Variants in PTPRT observed in about 807,000 individuals in gnomAD.
The protein encoded by PTPRT is receptor-type tyrosine-protein phosphatase T.
Under a neutral mutation model 176.8 loss-of-function variants are expected in PTPRT, and 56 were observed. The observed-to-expected ratio is 0.32, with a 90% CI of 0.26 to 0.40. The LOEUF is 0.40. Ranked by LOEUF, PTPRT falls within the 10% of genes least tolerant of loss-of-function variation. The probability of loss-of-function intolerance (pLI) is 1.00; values close to 1 mark genes in which losing one functional copy is unlikely to be tolerated. For missense variants in PTPRT, 1,540 were observed against 1,908.2 expected, an observed-to-expected ratio of 0.81 and a Z score of 3.60; for synonymous variants, 783 against 739.0, an observed-to-expected ratio of 1.06 and a Z score of -0.96.
intron 5 of PTPRT, among the ~76,000 whole-genome samples, chr20:42,758,454 G>T (rs1055356138): frequency 6.6e-6 from 1 of 152,098 alleles, no homozygotes; most frequent in Admixed American, 6.5e-5. Flanking sequence ...GGTATCCCAG[G>T]CCCCCATCAA....
Position 42,072,929 on chromosome 20 carries a change from A to T in PTPRT, c.*7950T>A. The T allele has an allele frequency of 4.5e-6, 1 of 224,430 alleles. No homozygotes were observed. 13.9% of individuals were successfully genotyped at this position (224,430 alleles called of 1,614,324 possible). A position where few individuals can be genotyped will look rare whatever the true frequency, so the allele number is the denominator to read the frequency against. ...CAAAAAATATATCTGATATTCATTGACCTGACATTATTTACCTTCTGCTTT... is the reference window on the plus strand; with the variant it reads ...CAAAAAATATATCTGATATTCATTGTCCTGACATTATTTACCTTCTGCTTT... On this transcript the variant is annotated 3_prime_UTR_variant, in exon 31 of 31. Transcript: ENST00000373187.
At chr20:42,525,629 A>G (rs868089489) in intron 7 of PTPRT, among the ~76,000 whole-genome samples, 60 of 152,202 alleles carry the variant, frequency 3.9e-4, no homozygotes, top group African/African-American at 1.4e-3. Flanking sequence ...ACGGTTTTCA[A>G]TATTGGCCAT....
intron 1 of PTPRT, among the ~76,000 whole-genome samples, chr20:42,959,655 T>A (rs1271095817): frequency 3.3e-5 from 5 of 152,084 alleles, no homozygotes; most frequent in Admixed American, 3.3e-4. Flanking sequence ...AGCCCAGGGT[T>A]TCAGGCTGAC....
chr20:42,097,017 G>A (rs888159589), intron 27 of PTPRT, among the ~76,000 whole-genome samples: 3 of 152,116 alleles, frequency 2.0e-5, no homozygotes, highest in African/African-American at 4.8e-5. Flanking sequence ...ACCCCTCTAA[G>A]GGCACCAGGA....
chr20:43,061,552 T>C (rs1341515145), intron 1 of PTPRT, among the ~76,000 whole-genome samples: 18 of 152,250 alleles, frequency 1.2e-4, no homozygotes. Flanking sequence ...TCTGGGCAGC[T>C]CTACTGCTAT....
intron 6 of PTPRT, among the ~76,000 whole-genome samples, chr20:42,689,690 A>C (rs1371348475): frequency 6.6e-6 from 1 of 152,202 alleles, no homozygotes; most frequent in African/African-American, 2.4e-5. Flanking sequence ...TAGGGAGCAT[A>C]TCCTGGATAT....
At chr20:43,044,514 C>T (rs1312118968) in intron 1 of PTPRT, among the ~76,000 whole-genome samples, 1 of 152,200 alleles carries the variant, frequency 6.6e-6, no homozygotes, top group South Asian at 2.1e-4. Flanking sequence ...GAAAAGGGGA[C>T]TGAAAGAGGA....
chr20:42,863,876 T>A (rs1163689480), intron 2 of PTPRT, among the ~76,000 whole-genome samples: 7 of 152,222 alleles, frequency 4.6e-5, no homozygotes, highest in South Asian at 2.1e-4. Flanking sequence ...GAGATGACCC[T>A]GGGGTCCAGC....
chr20:42,792,491 G>T (rs900327222), intron 2 of PTPRT, among the ~76,000 whole-genome samples: 1 of 152,126 alleles, frequency 6.6e-6, no homozygotes, highest in African/African-American at 2.4e-5. Context: ...CACCAAAGCA[G>T]GTGGCAAAAC....
At chr20:42,125,437 A>T (rs1375182911) in intron 19 of PTPRT, among the ~76,000 whole-genome samples, 1 of 152,182 alleles carries the variant, frequency 6.6e-6, no homozygotes, top group Non-Finnish European at 1.5e-5. Flanking sequence ...CTGGATTCTA[A>T]CCACTGAGAT....
At position 42,077,573 on chromosome 20, in the gene PTPRT, G is replaced by A; in HGVS notation, c.*3306C>T. On this transcript the variant is annotated 3_prime_UTR_variant, in exon 31 of 31. Coordinates refer to ENST00000373187, the MANE Select transcript of PTPRT (RefSeq NM_007050.6). Reference sequence around the variant, plus strand: ...GGCTCCGGAGATTTCCTGGGTAAAGGAAAATGTTCAAATTCCTGGGCACTG... The same window carrying A: ...GGCTCCGGAGATTTCCTGGGTAAAGAAAAATGTTCAAATTCCTGGGCACTG... The A allele has an allele frequency of 9.1e-6, 2 of 219,198 alleles. No individual in the cohort carries two copies. The highest frequency in any genetic ancestry group is 1.8e-4 in the South Asian group (1 of 5,416). The allele number at this position is 219,198 out of a possible 1,614,324, so 13.6% of individuals were successfully genotyped here. A position where few individuals can be genotyped will look rare whatever the true frequency, so the allele number is the denominator to read the frequency against.
chr20:42,534,198 G>A (rs1437019594), intron 7 of PTPRT, among the ~76,000 whole-genome samples: 1 of 152,196 alleles, frequency 6.6e-6, no homozygotes, highest in Non-Finnish European at 1.5e-5. Context: ...CGGCATTTGA[G>A]CCTGACATTG....
chr20:42,359,741 T>G (rs2058406389), intron 9 of PTPRT, among the ~76,000 whole-genome samples: 1 of 152,218 alleles, frequency 6.6e-6, no homozygotes, highest in Non-Finnish European at 1.5e-5. Flanking sequence ...AAAGCCAAGC[T>G]TCAGGGTCAG....
chr20:42,734,037 G>T (rs79929230), intron 6 of PTPRT, among the ~76,000 whole-genome samples: 164 of 152,334 alleles, frequency 1.1e-3, no homozygotes, highest in African/African-American at 3.8e-3. Flanking sequence ...TAGGGGCCCT[G>T]AAACGCTGTG....
At chr20:42,261,782 A>G (rs1020505054) in intron 13 of PTPRT, among the ~76,000 whole-genome samples, 1 of 152,142 alleles carries the variant, frequency 6.6e-6, no homozygotes, top group Non-Finnish European at 1.5e-5. Flanking sequence ...TTTCCAACCA[A>G]CTCTGGCCAA....
intron 6 of PTPRT, among the ~76,000 whole-genome samples, chr20:42,744,626 T>C (rs2076664437): frequency 1.3e-5 from 2 of 152,220 alleles, no homozygotes; most frequent in African/African-American, 4.8e-5. Context: ...CAAGGCTTAG[T>C]AGCTTAACAC....
chr20:43,101,510 G>T (rs2012391094), intron 1 of PTPRT, among the ~76,000 whole-genome samples: 1 of 152,066 alleles, frequency 6.6e-6, no homozygotes, highest in Non-Finnish European at 1.5e-5. Context: ...TAGCTCTAAT[G>T]ATTAAATGAT....
At chr20:42,464,033 G>A (rs1244750075) in intron 8 of PTPRT, among the ~76,000 whole-genome samples, 1 of 152,148 alleles carries the variant, frequency 6.6e-6, no homozygotes, top group Non-Finnish European at 1.5e-5. Flanking sequence ...CTTCCATGGT[G>A]TAAATATTTC....
chr20:42,938,568 C>T (rs1003072756), intron 1 of PTPRT, among the ~76,000 whole-genome samples: 7 of 152,112 alleles, frequency 4.6e-5, no homozygotes, highest in African/African-American at 2.4e-5. Context: ...TAAGTTCCTG[C>T]CTCTCTGCAT....
Sources: gnomAD v4.1 joint callset for allele counts (sites outside exome capture counted in the v4.1 genomes callset) on GRCh38, gnomAD v4.1.1 for gene constraint, MANE v1.5 for transcripts, NCBI Gene and HGNC (gene_info 2026-07-23, HGNC 2026-07-21) for gene names.